NFIB: variants seen among roughly 807,000 people sequenced by gnomAD.
NFIB encodes the protein nuclear factor I B.
A neutral mutation model predicts 61.5 loss-of-function variants in NFIB; 11 were observed. The observed-to-expected ratio is 0.18, with a 90% confidence interval of 0.11 to 0.30. The LOEUF is 0.30. Among genes scored for constraint, NFIB ranks in the 10% least tolerant of loss-of-function variants. The probability of loss-of-function intolerance (pLI) is 1.00; values close to 1 mark genes in which losing one functional copy is unlikely to be tolerated. For synonymous variants in NFIB, 260 were observed against 216.5 expected, an observed-to-expected ratio of 1.20 and a Z score of -1.76; for missense variants, 471 against 608.9, an observed-to-expected ratio of 0.77 and a Z score of 2.38.
At chr9:14,434,535 G>A in the NFIB span, among the ~76,000 whole-genome samples, 1 of 152,172 alleles carries the variant, frequency 6.6e-6, no homozygotes, top group South Asian at 2.1e-4. Context: ...GGAAGCCAAA[G>A]TCAGTATATC....
At chr9:14,409,617 G>A in the NFIB span, among the ~76,000 whole-genome samples, 1 of 152,204 alleles carries the variant, frequency 6.6e-6, no homozygotes, top group Non-Finnish European at 1.5e-5. Context: ...CCAGCCACTA[G>A]AATACTGTCT....
Position 14,283,289 on chromosome 9 carries a change from C to T in NFIB, c.562+23700G>A, listed in dbSNP as rs139143807. ...TTCTTAAAGGTTTTCTAGCAAAACG[C>T]TTGTGTATTTGTATCATTGCACCAC... On this transcript the variant is annotated intron_variant, in intron 2 of 10. Transcript: ENST00000380953. Among the ~76,000 whole-genome samples the T allele has an allele frequency of 1.6e-4, 25 of 152,222 alleles. No homozygotes were observed. In the South Asian group the frequency reaches 5.2e-3, roughly 32 times the overall value.
chr9:14,205,849 C>T (rs912546055), intron 2 of NFIB, among the ~76,000 whole-genome samples: 47 of 152,054 alleles, frequency 3.1e-4, no homozygotes, highest in African/African-American at 1.1e-3. Context: ...TTTTTTAAGT[C>T]TCCATTTTAG....
intron 2 of NFIB, among the ~76,000 whole-genome samples, chr9:14,289,081 C>CGTGTGTGT (rs58218572): frequency 0.096 from 13,682 of 142,040 alleles, 850 homozygotes; most frequent in East Asian, 0.21. Context: ...TTTTCCAAAG[C>CGTGTGTGT]GTGTGTGTGT....
chr9:14,164,286 C>G (rs189154280), intron 3 of NFIB, among the ~76,000 whole-genome samples: 1 of 151,990 alleles, frequency 6.6e-6, no homozygotes, highest in Non-Finnish European at 1.5e-5. Context: ...TGTTAATAGG[C>G]AATTTCATGG....
the NFIB span, among the ~76,000 whole-genome samples, chr9:14,516,903 T>C: frequency 6.6e-6 from 1 of 152,206 alleles, no homozygotes; most frequent in Non-Finnish European, 1.5e-5. Flanking sequence ...CCAGATTGCT[T>C]TGGGTTTCTG....
the NFIB span, among the ~76,000 whole-genome samples, chr9:14,412,688 G>A: frequency 5.3e-5 from 8 of 152,110 alleles, no homozygotes; most frequent in Admixed American, 5.2e-4. Flanking sequence ...GAGAAGGAAG[G>A]ATTTCTTCAA....
chr9:14,417,314 G>T, the NFIB span, among the ~76,000 whole-genome samples: 4 of 152,258 alleles, frequency 2.6e-5, 1 homozygote, highest in East Asian at 7.7e-4. Context: ...TGTTGTACAG[G>T]TTTGCTGCCT....
intron 6 of NFIB, among the ~76,000 whole-genome samples, chr9:14,142,796 AAAG>A (rs1412376134): frequency 1.3e-5 from 2 of 152,186 alleles, no homozygotes; most frequent in African/African-American, 4.8e-5. Context: ...AATATCCAAA[AAAG>A]AAAGTTTTTA....
intron 2 of NFIB, among the ~76,000 whole-genome samples, chr9:14,237,747 C>T (rs374236017): frequency 1.4e-5 from 2 of 146,840 alleles, no homozygotes; most frequent in South Asian, 2.2e-4. Flanking sequence ...AAGCTCCTCA[C>T]CCTGCTAGGT....
chr9:14,424,986 G>A, the NFIB span, among the ~76,000 whole-genome samples: 36 of 152,186 alleles, frequency 2.4e-4, no homozygotes, highest in African/African-American at 6.0e-4. Flanking sequence ...CTCCCCCCCT[G>A]GGCCTTTGCT....
At chr9:14,231,654 G>A (rs2053207265) in intron 2 of NFIB, among the ~76,000 whole-genome samples, 1 of 152,138 alleles carries the variant, frequency 6.6e-6, no homozygotes, top group Non-Finnish European at 1.5e-5. Context: ...TTATATTAAT[G>A]AGAGGTTTAA....
At chr9:14,404,961 G>A in the NFIB span, among the ~76,000 whole-genome samples, 9 of 152,334 alleles carry the variant, frequency 5.9e-5, no homozygotes, top group South Asian at 6.2e-4. Flanking sequence ...AAGAGACTCC[G>A]TGTAGTTTTT....
At chr9:14,409,189 A>G in the NFIB span, among the ~76,000 whole-genome samples, 1 of 152,212 alleles carries the variant, frequency 6.6e-6, no homozygotes, top group African/African-American at 2.4e-5. Flanking sequence ...CCAAATAACT[A>G]GGAAGTGATG....
chr9:14,377,646 A>G (rs998061699), intron 1 of NFIB, among the ~76,000 whole-genome samples: 1 of 152,142 alleles, frequency 6.6e-6, no homozygotes, highest in Non-Finnish European at 1.5e-5. Context: ...TCAATATTTT[A>G]TTGTGAAGGT....
At chr9:14,157,046 T>TA (rs1295597284) in intron 3 of NFIB, among the ~76,000 whole-genome samples, 2 of 152,138 alleles carry the variant, frequency 1.3e-5, no homozygotes, top group African/African-American at 4.8e-5. Context: ...TTGGCTAGGT[T>TA]ATTAGTCCTC....
At chr9:14,482,490 T>A in the NFIB span, among the ~76,000 whole-genome samples, 13 of 152,052 alleles carry the variant, frequency 8.5e-5, no homozygotes, top group Non-Finnish European at 2.9e-5. Flanking sequence ...GAATCAGGAG[T>A]GAACAGTTTA....
the NFIB span, among the ~76,000 whole-genome samples, chr9:14,444,137 G>T: frequency 6.6e-6 from 1 of 152,144 alleles, no homozygotes; most frequent in Non-Finnish European, 1.5e-5. Context: ...AGTTTGAGAT[G>T]CCAATGAAAG....
chr9:14,383,416 T>C (rs148057236), intron 1 of NFIB, among the ~76,000 whole-genome samples: 3 of 152,148 alleles, frequency 2.0e-5, no homozygotes, highest in East Asian at 3.8e-4. Context: ...ATAATTCAAA[T>C]AGGGCTGTTA....
Sources: allele counts gnomAD v4.1 joint callset (sites outside exome capture counted in the v4.1 genomes callset), GRCh38; gene constraint gnomAD v4.1.1; transcripts MANE v1.5; gene names NCBI Gene and HGNC (gene_info 2026-07-23, HGNC 2026-07-21).